VWA8: variants seen among roughly 807,000 people sequenced by gnomAD.
VWA8 encodes the protein von Willebrand factor A domain containing 8.
A neutral mutation model predicts 241.5 loss-of-function variants in VWA8; 221 were observed. That is an observed-to-expected ratio of 0.91 (90% CI 0.82 to 1.02). The LOEUF is 1.02. Among genes scored for constraint, VWA8 ranks in the 50% least tolerant of loss-of-function variants. The pLI is 0.00. For missense variants in VWA8, 2,322 were observed against 2,328.7 expected (o/e 1.00, Z 0.06); for synonymous variants, 852 against 827.1 (o/e 1.03, Z -0.52).
chr13:41,920,728 G>A (rs1593870519), intron 2 of VWA8, among the ~76,000 whole-genome samples: 2 of 152,186 alleles, frequency 1.3e-5, no homozygotes, highest in East Asian at 3.9e-4. Flanking sequence ...ACCCTCCCAA[G>A]ACTAAACCAG....
At chr13:41,713,399 G>C (rs1338946663) in intron 26 of VWA8, among the ~76,000 whole-genome samples, 1 of 152,106 alleles carries the variant, frequency 6.6e-6, no homozygotes, top group Non-Finnish European at 1.5e-5. Flanking sequence ...TTTAAAAAGT[G>C]AACCTATTAT....
chr13:41,819,289 A>G lies in VWA8; in HGVS notation c.1798T>C (p.Leu600=). 6.2e-7 allele frequency: 1 copy of G among 1,613,534 alleles called. No homozygotes were observed. The highest frequency in any genetic ancestry group is 8.5e-7 in the Non-Finnish European group (1 of 1,179,896). Residue 600 remains leucine, a synonymous_variant, in exon 15 of 45, where the codon TTA becomes CTA. Coordinates refer to ENST00000379310, the MANE Select transcript of VWA8 (RefSeq NM_015058.2). The part of the protein sequence containing the change: ...TAHQWLGPEF[L]TMFFFHYMKP... ...ATGTAATGGAAAAAGAACATGGTTA[A>G]GAATTCTGGTCCCAGCCACTGGTGT...
At chr13:41,915,898 A>T (rs913018234) in intron 2 of VWA8, among the ~76,000 whole-genome samples, 1 of 152,192 alleles carries the variant, frequency 6.6e-6, no homozygotes, top group Non-Finnish European at 1.5e-5. Flanking sequence ...TAATGGCTAT[A>T]ATTTATTGCA....
At chr13:41,740,291 A>T (rs1034031169) in intron 21 of VWA8, among the ~76,000 whole-genome samples, 15 of 152,152 alleles carry the variant, frequency 9.9e-5, no homozygotes, top group South Asian at 2.1e-4. Context: ...AGATTTTTTT[A>T]AAATTTAAAA....
chr13:41,941,050 A>G (rs1877573582), intron 2 of VWA8, among the ~76,000 whole-genome samples: 1 of 152,212 alleles, frequency 6.6e-6, no homozygotes, highest in African/African-American at 2.4e-5. Flanking sequence ...GTGAATGAAA[A>G]CTATAATAAA....
chr13:41,801,168 A>G (rs1054800471), intron 17 of VWA8, among the ~76,000 whole-genome samples: 1 of 151,822 alleles, frequency 6.6e-6, no homozygotes, highest in Non-Finnish European at 1.5e-5. Flanking sequence ...TTTTTTAATA[A>G]AGGAAATTAA....
chr13:41,704,096 C>T (rs577549099), intron 26 of VWA8, among the ~76,000 whole-genome samples: 110 of 152,298 alleles, frequency 7.2e-4, no homozygotes, highest in African/African-American at 2.3e-3. Context: ...ATGAAGAGTA[C>T]ACCATACTAC....
At chr13:41,872,266 C>G (rs1873666171) in intron 9 of VWA8, among the ~76,000 whole-genome samples, 1 of 152,146 alleles carries the variant, frequency 6.6e-6, no homozygotes, top group Non-Finnish European at 1.5e-5. Flanking sequence ...TGCCTGTTCA[C>G]TCTGATGGTA....
chr13:41,685,322 C>CAGAT (rs2045128743), intron 34 of VWA8, 80 bp from the exon 35 acceptor site: 1 of 1,308,526 alleles, frequency 7.6e-7, no homozygotes, highest in Admixed American at 2.4e-5. Context: ...GCCCTTTAAG[C>CAGAT]AGATACTAGT....
At chr13:41,693,857 T>TTATTTGTCAG (rs1295532993) in intron 29 of VWA8, among the ~76,000 whole-genome samples, 9 of 152,036 alleles carry the variant, frequency 5.9e-5, no homozygotes, top group African/African-American at 2.2e-4. Flanking sequence ...TGCAGAAAGG[T>TTATTTGTCAG]ACCTGCAAGT....
At chr13:41,956,580 T>G (rs1181672143) in intron 1 of VWA8, among the ~76,000 whole-genome samples, 1 of 152,192 alleles carries the variant, frequency 6.6e-6, no homozygotes, top group African/African-American at 2.4e-5. Context: ...AATACAAAAC[T>G]TAGACCAAAA....
At position 41,590,640 on chromosome 13, in the gene VWA8, T is replaced by C. The variant is rs1358057818; in HGVS notation, c.5112A>G (p.Gln1704=). ...IYKRRGELEP[Q]LGSPQQKPKR... ...AGGCTAGCAGTTCACCATGACTTAC[T>C]TGTGGCTCCAGCTCACCCCGACGTT... is the stretch of plus-strand genomic sequence containing the variant. Residue 1704 remains glutamine, a splice_region_variant and synonymous_variant, in exon 41 of 45, where the codon CAA becomes CAG. Coordinates refer to ENST00000379310, the MANE Select transcript of VWA8 (RefSeq NM_015058.2). 1.2e-6 allele frequency: 2 copies of C among 1,613,978 alleles called. No homozygotes were observed. The highest frequency in any genetic ancestry group is 2.2e-5 in the East Asian group (1 of 44,880).
intron 37 of VWA8, among the ~76,000 whole-genome samples, chr13:41,621,427 C>CTATATGCTTATATGTTAACTTATA (rs2044656599): frequency 1.3e-5 from 2 of 152,116 alleles, no homozygotes; most frequent in African/African-American, 2.4e-5. Context: ...TGCTTATATG[C>CTATATGCTTATATGTTAACTTATA]GTTAAGACTC....
chr13:41,749,962 A>T (rs1238268413), intron 21 of VWA8, among the ~76,000 whole-genome samples: 1 of 152,144 alleles, frequency 6.6e-6, no homozygotes, highest in Non-Finnish European at 1.5e-5. Flanking sequence ...AACATGGCAC[A>T]TGTATACATA....
chr13:41,710,506 AC>A (rs1184766401), intron 26 of VWA8, among the ~76,000 whole-genome samples: 1 of 152,232 alleles, frequency 6.6e-6, no homozygotes, highest in African/African-American at 2.4e-5. Context: ...AAAGACTATG[AC>A]AATATAAAAC....
chr13:41,891,892 T>C (rs77050731), intron 4 of VWA8, among the ~76,000 whole-genome samples: 1,994 of 152,232 alleles, frequency 0.013, 26 homozygotes, highest in Middle Eastern at 0.065. Context: ...CAGCTATCTA[T>C]GAACAAGGAA....
At chr13:41,601,125 G>A (rs2044518634) in intron 40 of VWA8, among the ~76,000 whole-genome samples, 2 of 152,008 alleles carry the variant, frequency 1.3e-5, no homozygotes, top group South Asian at 4.2e-4. Context: ...GTTAATACTT[G>A]TGTGTCCCTC....
intron 17 of VWA8, among the ~76,000 whole-genome samples, chr13:41,808,929 A>T (rs557565878): frequency 1.3e-5 from 2 of 152,190 alleles, no homozygotes; most frequent in African/African-American, 4.8e-5. Flanking sequence ...CACAAAATCA[A>T]CATACAAAAA....
At chr13:41,828,443 A>G (rs1328550205) in intron 14 of VWA8, among the ~76,000 whole-genome samples, 1 of 152,246 alleles carries the variant, frequency 6.6e-6, no homozygotes, top group African/African-American at 2.4e-5. Flanking sequence ...GATAGAAAAT[A>G]ACATATTTGT....
Sources: gnomAD v4.1 joint callset for allele counts (sites outside exome capture counted in the v4.1 genomes callset) on GRCh38, gnomAD v4.1.1 for gene constraint, MANE v1.5 for transcripts, NCBI Gene and HGNC (gene_info 2026-07-23, HGNC 2026-07-21) for gene names.